CXADR: variants seen among roughly 807,000 people sequenced by gnomAD.
CXADR encodes CXADR cell adhesion molecule.
In CXADR, 20 loss-of-function variants were observed where a neutral mutation model predicts 40.3. That is an observed-to-expected ratio of 0.50 (90% CI 0.35 to 0.72). The LOEUF is 0.72. Among genes scored for constraint, CXADR ranks in the 30% least tolerant of loss-of-function variants. The pLI is 0.01. For synonymous variants in CXADR, 150 were observed against 161.3 expected (o/e 0.93, Z 0.53); for missense variants, 332 against 449.1 (o/e 0.74, Z 2.36).
rs1301457799 is a variant in CXADR at position 17,567,546 on chromosome 21, C to T, written c.*1854C>T. 1.0e-5 allele frequency: 10 copies of T among 985,200 alleles called. No individual in the cohort carries two copies. The highest frequency in any genetic ancestry group is 1.1e-5 in the Non-Finnish European group (9 of 829,878). The allele number at this position is 985,200 out of a possible 1,614,324, so 61.0% of individuals were successfully genotyped here. On this transcript the variant is annotated 3_prime_UTR_variant, in exon 7 of 7. Coordinates refer to ENST00000284878, the MANE Select transcript of CXADR (RefSeq NM_001338.5). ...TGATACCTTTCTATCCTCACATTTT[C>T]AAGCTTGCCTCTTTTCTGTTCTTTG...
chr21:17,582,570 CAG>C (rs2123384284), intron 7 of CXADR, among the ~76,000 whole-genome samples: 1 of 152,286 alleles, frequency 6.6e-6, no homozygotes, highest in African/African-American at 2.4e-5. Flanking sequence ...AAGCAGATGT[CAG>C]AGTTCTGAAA....
chr21:17,592,691 CT>C (rs2061450056), intron 7 of CXADR, among the ~76,000 whole-genome samples: 1 of 151,552 alleles, frequency 6.6e-6, no homozygotes, highest in African/African-American at 2.4e-5. Context: ...ACGCATCTCC[CT>C]TGTGACACTA....
downstream of CXADR, among the ~76,000 whole-genome samples, chr21:17,574,269 CA>C (rs1394836584): frequency 6.6e-6 from 1 of 152,140 alleles, no homozygotes; most frequent in Non-Finnish European, 1.5e-5. Context: ...GAAGAAAATT[CA>C]AAAGGTCTGA....
At chr21:17,582,687 G>T (rs1454917818) in intron 7 of CXADR, among the ~76,000 whole-genome samples, 2 of 152,252 alleles carry the variant, frequency 1.3e-5, no homozygotes, top group Non-Finnish European at 1.5e-5. Context: ...TCAAGCCATT[G>T]CTGCATGTAT....
intron 7 of CXADR, among the ~76,000 whole-genome samples, chr21:17,575,775 A>C (rs1295519030): frequency 1.3e-5 from 2 of 150,060 alleles, no homozygotes; most frequent in Non-Finnish European, 3.0e-5. Flanking sequence ...TTAATTTGTA[A>C]AATTTTTAAA....
chr21:17,561,707 C>T (rs1041934785), intron 6 of CXADR, among the ~76,000 whole-genome samples: 14 of 152,054 alleles, frequency 9.2e-5, no homozygotes, highest in African/African-American at 2.9e-4. Flanking sequence ...TTTTAAGAAC[C>T]ACTGCCAAAT....
chr21:17,598,911 C>T, the CXADR span: 1 of 997,786 alleles, frequency 1.0e-6, no homozygotes, highest in Non-Finnish European at 1.5e-6. Flanking sequence ...TCTGGACATG[C>T]CATCAATACA....
At chr21:17,533,263 C>CA (rs916868545) in intron 1 of CXADR, among the ~76,000 whole-genome samples, 1 of 151,752 alleles carries the variant, frequency 6.6e-6, no homozygotes, top group Non-Finnish European at 1.5e-5. Context: ...TCTGTTTTTC[C>CA]AAAAAAAGAA....
At chr21:17,612,146 G>C in the CXADR span, 1 of 152,336 alleles carries the variant, frequency 6.6e-6, no homozygotes, top group Non-Finnish European at 1.5e-5. Flanking sequence ...CTTGAGCTGC[G>C]CCCAACTTCT....
At chr21:17,572,017 C>T (rs779849575), downstream of CXADR, among the ~76,000 whole-genome samples, 2 of 152,018 alleles carry the variant, frequency 1.3e-5, no homozygotes, top group Non-Finnish European at 2.9e-5. Flanking sequence ...AATATGTGTT[C>T]ATTAAATATG....
intron 1 of CXADR, among the ~76,000 whole-genome samples, chr21:17,521,479 C>T (rs1266535394): frequency 6.6e-6 from 1 of 152,164 alleles, no homozygotes; most frequent in African/African-American, 2.4e-5. Flanking sequence ...CCCGCCACCA[C>T]ACCTGGCTAA....
intron 7 of CXADR, among the ~76,000 whole-genome samples, chr21:17,585,035 T>C (rs2061385253): frequency 6.6e-6 from 1 of 152,194 alleles, no homozygotes; most frequent in Non-Finnish European, 1.5e-5. Flanking sequence ...TAAAACAAAA[T>C]CACACTGTTT....
the CXADR span, among the ~76,000 whole-genome samples, chr21:17,624,685 C>T: frequency 1.3e-5 from 2 of 152,098 alleles, no homozygotes; most frequent in African/African-American, 4.8e-5. Context: ...AATTTCTTTG[C>T]CACATAATGT....
chr21:17,574,746 A>C (rs2061306265), downstream of CXADR, among the ~76,000 whole-genome samples: 1 of 152,154 alleles, frequency 6.6e-6, no homozygotes, highest in Admixed American at 6.5e-5. Flanking sequence ...AATTCTTTGA[A>C]TGTTCAGAAG....
At chr21:17,634,230 T>A in the CXADR span, among the ~76,000 whole-genome samples, 1 of 152,190 alleles carries the variant, frequency 6.6e-6, no homozygotes, top group Non-Finnish European at 1.5e-5. Flanking sequence ...AAATTCTACG[T>A]AAATAGTGAA....
At chr21:17,526,525 A>C (rs1166603117) in intron 1 of CXADR, among the ~76,000 whole-genome samples, 1 of 152,194 alleles carries the variant, frequency 6.6e-6, no homozygotes, top group Non-Finnish European at 1.5e-5. Flanking sequence ...AAATAAATGC[A>C]TTTATGGAAA....
chr21:17,619,501 A>C, the CXADR span, among the ~76,000 whole-genome samples: 1 of 152,080 alleles, frequency 6.6e-6, no homozygotes. Context: ...AGGCAGGAGA[A>C]TCGCTTGAGC....
chr21:17,533,715 G>T (rs935354127), intron 1 of CXADR, among the ~76,000 whole-genome samples: 4 of 152,048 alleles, frequency 2.6e-5, no homozygotes, highest in African/African-American at 7.2e-5. Context: ...TATTGTTAAG[G>T]TGATGGTTTC....
At chr21:17,604,852 G>A in the CXADR span, 1 of 1,610,954 alleles carries the variant, frequency 6.2e-7, no homozygotes, top group Non-Finnish European at 8.5e-7. Context: ...CTAAACTTGA[G>A]AACTCACCGA....
Sources: allele counts gnomAD v4.1 joint callset (sites outside exome capture counted in the v4.1 genomes callset), GRCh38; gene constraint gnomAD v4.1.1; transcripts MANE v1.5; gene names NCBI Gene and HGNC (gene_info 2026-07-23, HGNC 2026-07-21).